The following GRAMD2B variants were observed in gnomAD, a reference collection of about 807,000 sequenced individuals.
GRAMD2B encodes GRAM domain-containing protein 2B.
A neutral mutation model predicts 59.2 loss-of-function variants in GRAMD2B; 41 were observed. That is an observed-to-expected ratio of 0.69 (90% CI 0.54 to 0.90). The LOEUF (loss-of-function observed/expected upper bound fraction) is 0.90. Ranked by LOEUF, GRAMD2B falls within the 40% of genes least tolerant of loss-of-function variation. The pLI is 0.00. For synonymous variants in GRAMD2B, 161 were observed against 182.7 expected (o/e 0.88, Z 0.96); for missense variants, 424 against 500.5 (o/e 0.85, Z 1.46).
intron 1 of GRAMD2B, among the ~76,000 whole-genome samples, chr5:126,361,373 G>A (rs977619671): frequency 6.6e-6 from 1 of 151,866 alleles, no homozygotes; most frequent in Non-Finnish European, 1.5e-5. Flanking sequence ...TTTCAGACTG[G>A]GCTTTGGATT....
intron 1 of GRAMD2B, among the ~76,000 whole-genome samples, chr5:126,442,503 G>C (rs1227315418): frequency 2.0e-5 from 3 of 152,022 alleles, no homozygotes; most frequent in Non-Finnish European, 4.4e-5. Context: ...TGTTGGCCAG[G>C]CTAGTCTCAA....
chr5:126,371,482 C>A, exon 1 of GRAMD2B: 2 of 1,289,198 alleles, frequency 1.6e-6, no homozygotes. Flanking sequence ...CACGGTGTTC[C>A]GGTTTGAGAC....
At position 126,406,455 on chromosome 5, in the gene GRAMD2B, T is replaced by C. The variant is rs115865117; in HGVS notation, c.125+34888T>C. On this transcript the variant is annotated intron_variant, in intron 1 of 8. Transcript: ENST00000506445. ...CAATTTTTATATATGCATATACCCA[T>C]GTAACTAACCACCACCTAGATCAAT... Among the ~76,000 whole-genome samples the C allele has an allele frequency of 7.6e-3, 1,148 of 152,022 alleles. 12 individuals are homozygous for C. Among genetic ancestry groups the C allele is most frequent in the African/African-American group, 0.026 (1,097 of 41,528 alleles).
intron 1 of GRAMD2B, among the ~76,000 whole-genome samples, chr5:126,435,496 T>C (rs1017498661): frequency 3.9e-5 from 6 of 152,286 alleles, no homozygotes; most frequent in African/African-American, 1.4e-4. Flanking sequence ...GGGGAAGGAC[T>C]CAGAGCCCCC....
At chr5:126,492,512 G>C (rs115905296) in intron 13 of GRAMD2B, among the ~76,000 whole-genome samples, 3,606 of 152,026 alleles carry the variant, frequency 0.024, 51 homozygotes, top group Non-Finnish European at 0.037. Context: ...CTTGAGCCCA[G>C]GAGTTCTAGA....
rs183402140 is a variant in GRAMD2B at position 126,431,133 on chromosome 5, C to A, written c.83+7444C>A. 2.5e-3 allele frequency among the ~76,000 whole-genome samples: 374 copies of A among 152,166 alleles called. 3 individuals carry two copies. The highest frequency in any genetic ancestry group is 8.6e-3 in the African/African-American group (358 of 41,520). ...CCAACGTTTTGGTCTTTTTTTCTTA[C>A]GCTATTGTCATTTTAAGGCCGGAAT... On this transcript the variant is annotated intron_variant, in intron 1 of 13. Transcript: ENST00000285689.
chr5:126,379,563 A>G (rs770554333), intron 1 of GRAMD2B, among the ~76,000 whole-genome samples: 4 of 152,044 alleles, frequency 2.6e-5, no homozygotes, highest in Non-Finnish European at 4.4e-5. Flanking sequence ...CCACACCAAC[A>G]TCTATTATTT....
At position 126,493,023 on chromosome 5, in the gene GRAMD2B, G is replaced by A. The variant is rs2127003110; in HGVS notation, c.*67G>A. On this transcript the variant is annotated 3_prime_UTR_variant, in exon 14 of 14. Coordinates refer to ENST00000285689, the MANE Select transcript of GRAMD2B (RefSeq NM_023927.4). Reference sequence around the variant, plus strand: ...CTTTGAAGAAGGTGCTTCCTGAGGCGTTTTGTTTGAGTGCACCCTGCTGGT... The same window carrying A: ...CTTTGAAGAAGGTGCTTCCTGAGGCATTTTGTTTGAGTGCACCCTGCTGGT... 4.5e-6 allele frequency: 6 copies of A among 1,341,266 alleles called. No homozygotes were observed. The highest frequency in any genetic ancestry group is 1.2e-5 in the South Asian group (1 of 83,772). 83.1% of individuals were successfully genotyped at this position (1,341,266 alleles called of 1,614,324 possible).
rs1006912628 is a variant in GRAMD2B at position 126,423,531 on chromosome 5, G to A, written c.-76G>A. 2.6e-5 allele frequency: 40 copies of A among 1,561,610 alleles called. No individual in the cohort carries two copies. Among genetic ancestry groups the A allele is most frequent in the Middle Eastern group, 2.3e-4 (1 of 4,422 alleles). ...CGCCGCTTGCTTGGCCTGCGCACCC[G>A]GACCTAGAAGCCGGGACGAGCCGGG... On this transcript the variant is annotated 5_prime_UTR_variant, in exon 1 of 14. Coordinates refer to ENST00000285689, the MANE Select transcript of GRAMD2B (RefSeq NM_023927.4).
intron 1 of GRAMD2B, among the ~76,000 whole-genome samples, chr5:126,429,695 A>G (rs1031241177): frequency 1.3e-5 from 2 of 152,196 alleles, no homozygotes; most frequent in Admixed American, 1.3e-4. Context: ...ATTAAACTAA[A>G]TGGTCAAACT....
chr5:126,481,325 A>G (rs1320318894), intron 8 of GRAMD2B, among the ~76,000 whole-genome samples: 1 of 152,170 alleles, frequency 6.6e-6, no homozygotes, highest in African/African-American at 2.4e-5. Context: ...TGTAAACCGT[A>G]GAGTAAATCT....
Position 126,379,916 on chromosome 5 carries a change from G to C in GRAMD2B, c.125+8349G>C, listed in dbSNP as rs559376777. ...TTCAGAAGCTTTTTAGTTTACTTAA[G>C]TCACACCTATTTATCTTTGTTTTTG... On this transcript the variant is annotated intron_variant, in intron 1 of 8. Coordinates refer to the GRAMD2B transcript ENST00000506445. 9.9e-5 allele frequency among the ~76,000 whole-genome samples: 15 copies of C among 152,220 alleles called. No individual in the cohort carries two copies. The East Asian group carries it at 2.9e-3, about 29-fold the overall frequency.
At chr5:126,420,902 CA>C (rs76061223), upstream of GRAMD2B, among the ~76,000 whole-genome samples, 92 of 147,906 alleles carry the variant, frequency 6.2e-4, 1 homozygote, top group South Asian at 1.1e-3. Context: ...ATCATCCAGC[CA>C]AAAAAAAATG....
chr5:126,441,182 A>C (rs1763225982), intron 1 of GRAMD2B, among the ~76,000 whole-genome samples: 1 of 152,210 alleles, frequency 6.6e-6, no homozygotes, highest in African/African-American at 2.4e-5. Context: ...TAAGCTTAAG[A>C]TCCCCTACTT....
At position 126,407,093 on chromosome 5, in the gene GRAMD2B, C is replaced by T. The variant is rs2149749216; in HGVS notation, c.125+35526C>T. Among the ~76,000 whole-genome samples, 2 of 152,116 alleles carry T rather than the reference C, an allele frequency of 1.3e-5. 1 individual carries two copies. The highest frequency in any genetic ancestry group is 6.8e-3 in the Middle Eastern group (2 of 294). ...TCTTGCTACATTTGCTTTCACCCTA[C>T]TTTTCTGATAAATTTCAAGCCATTT... On this transcript the variant is annotated intron_variant, in intron 1 of 8. Coordinates refer to the GRAMD2B transcript ENST00000506445.
At chr5:126,419,120 G>A (rs1759497052), upstream of GRAMD2B, among the ~76,000 whole-genome samples, 1 of 152,120 alleles carries the variant, frequency 6.6e-6, no homozygotes, top group African/African-American at 2.4e-5. Flanking sequence ...ACCATACATT[G>A]TGTATTAGTC....
intron 2 of GRAMD2B, among the ~76,000 whole-genome samples, chr5:126,466,018 G>C (rs1440194045): frequency 2.0e-5 from 3 of 152,230 alleles, no homozygotes; most frequent in Non-Finnish European, 2.9e-5. Context: ...AGGTGGTTTT[G>C]AGATGTGTAG....
chr5:126,486,444 C>A (rs1421398922), intron 11 of GRAMD2B, among the ~76,000 whole-genome samples: 1 of 152,198 alleles, frequency 6.6e-6, no homozygotes, highest in East Asian at 1.9e-4. Flanking sequence ...CTGAAAATAG[C>A]CTGACCCAGT....
At chr5:126,414,879 T>A (rs986439832) in intron 1 of GRAMD2B, among the ~76,000 whole-genome samples, 2 of 152,144 alleles carry the variant, frequency 1.3e-5, no homozygotes, top group Non-Finnish European at 2.9e-5. Flanking sequence ...CCTCTCCTCA[T>A]GAAAATTTTT....
Sources: allele counts gnomAD v4.1 joint callset (sites outside exome capture counted in the v4.1 genomes callset), GRCh38; gene constraint gnomAD v4.1.1; transcripts MANE v1.5; gene names NCBI Gene and HGNC (gene_info 2026-07-23, HGNC 2026-07-21).